The following TMEM196 variants were observed in gnomAD, a reference collection of about 807,000 sequenced individuals.
TMEM196 encodes transmembrane protein 196.
A neutral mutation model predicts 20.0 loss-of-function variants in TMEM196; 17 were observed. That is an observed-to-expected ratio of 0.85 (90% CI 0.58 to 1.27). The LOEUF (loss-of-function observed/expected upper bound fraction) is 1.27. Ranked by LOEUF, TMEM196 falls within the 50% of genes most tolerant of loss-of-function variation. TMEM196 has a pLI of 0.00. For synonymous variants in TMEM196, 113 were observed against 88.9 expected, an observed-to-expected ratio of 1.27 and a Z score of -1.52; for missense variants, 267 against 223.0, an observed-to-expected ratio of 1.20 and a Z score of -1.26.
rs1372958944 is a variant in TMEM196 at position 19,772,565 on chromosome 7, G to T, written c.132C>A (p.Leu44=). 2.6e-6 allele frequency: 4 copies of T among 1,544,794 alleles called. No individual in the cohort carries two copies. Among genetic ancestry groups the T allele is most frequent in the Admixed American group, 2.0e-5 (1 of 50,328 alleles). ...CGCTCCATACCGGGGACGAGTCTCC[G>T]AGCTGCGGCTTGTGCTCTCGGAGGG... ...SLALREHKPQ[L]GDSSPFLLCG... Residue 44 remains leucine, a synonymous_variant, in exon 1 of 5, where the codon CTC becomes CTA. Transcript: ENST00000405844.
intron 1 of TMEM196, among the ~76,000 whole-genome samples, chr7:19,751,187 A>G (rs1309819536): frequency 6.6e-6 from 1 of 152,232 alleles, no homozygotes; most frequent in Non-Finnish European, 1.5e-5. Context: ...TAGCATGATG[A>G]TTCTGCAACA....
chr7:19,744,399 G>C (rs1398347059), intron 1 of TMEM196, among the ~76,000 whole-genome samples: 2 of 152,064 alleles, frequency 1.3e-5, no homozygotes, highest in Non-Finnish European at 2.9e-5. Context: ...CAGACAATAG[G>C]TGCTGGTTCT....
chr7:19,763,022 A>G (rs967156723), intron 1 of TMEM196, among the ~76,000 whole-genome samples: 17 of 152,242 alleles, frequency 1.1e-4, no homozygotes, highest in African/African-American at 3.9e-4. Flanking sequence ...GATGACAATT[A>G]CCAACTTTTT....
At chr7:19,763,307 A>G (rs1459693056) in intron 1 of TMEM196, among the ~76,000 whole-genome samples, 1 of 152,194 alleles carries the variant, frequency 6.6e-6, no homozygotes, top group Non-Finnish European at 1.5e-5. Flanking sequence ...TGTTATCAAC[A>G]TCATTGATAT....
intron 1 of TMEM196, among the ~76,000 whole-genome samples, chr7:19,736,354 TATATA>T (rs1784402280): frequency 2.6e-4 from 23 of 88,044 alleles, no homozygotes; most frequent in African/African-American, 4.0e-4. Flanking sequence ...TGGTTCCTAC[TATATA>T]TATATATATA....
At chr7:19,725,302 T>C (rs1783954169) in intron 3 of TMEM196, among the ~76,000 whole-genome samples, 1 of 152,328 alleles carries the variant, frequency 6.6e-6, no homozygotes, top group South Asian at 2.1e-4. Context: ...ACTGTGTTTT[T>C]GAATAGACAG....
intron 4 of TMEM196, among the ~76,000 whole-genome samples, chr7:19,723,787 G>T (rs1015242453): frequency 6.6e-6 from 1 of 152,052 alleles, no homozygotes; most frequent in African/African-American, 2.4e-5. Flanking sequence ...TGAAACGTGG[G>T]AACTAAATTT....
chr7:19,773,100 A>G lies in TMEM196; in HGVS notation c.-404T>C, dbSNP rs1310144740. 3 of 163,710 alleles carry G rather than the reference A, an allele frequency of 1.8e-5. No homozygotes were observed. Among genetic ancestry groups the G allele is most frequent in the African/African-American group, 4.8e-5 (2 of 42,100 alleles). The allele number at this position is 163,710 out of a possible 1,614,324, so 10.1% of individuals were successfully genotyped here. A position where few individuals can be genotyped will look rare whatever the true frequency, so the allele number is the denominator to read the frequency against. ...GGGAAACCCGCGCCCTCCTCAGCCT[A>G]CTAGACCCTTTCACAGGGTCCCTTC... On this transcript the variant is annotated 5_prime_UTR_variant, in exon 1 of 5. Transcript: ENST00000405844.
chr7:19,730,494 A>G (rs1784165867), intron 1 of TMEM196, among the ~76,000 whole-genome samples: 1 of 152,220 alleles, frequency 6.6e-6, no homozygotes, highest in South Asian at 2.1e-4. Flanking sequence ...ATAGCTATAT[A>G]AAATATTCAT....
chr7:19,751,482 C>A (rs1450412816), intron 1 of TMEM196, among the ~76,000 whole-genome samples: 1 of 152,206 alleles, frequency 6.6e-6, no homozygotes, highest in Non-Finnish European at 1.5e-5. Flanking sequence ...CTGTGTCACA[C>A]ACAAGTGGGA....
At chr7:19,754,664 A>C (rs1173044743) in intron 1 of TMEM196, among the ~76,000 whole-genome samples, 1 of 143,800 alleles carries the variant, frequency 7.0e-6, no homozygotes, top group East Asian at 2.4e-4. Context: ...TATAAGAAAA[A>C]GGAAAAAGAA....
chr7:19,772,061 G>T (rs1179834097), intron 1 of TMEM196, among the ~76,000 whole-genome samples: 1 of 152,076 alleles, frequency 6.6e-6, no homozygotes, highest in Non-Finnish European at 1.5e-5. Flanking sequence ...TGTTGCCTCT[G>T]GTGTACCTTG....
chr7:19,731,109 T>A (rs1269795713), intron 1 of TMEM196, among the ~76,000 whole-genome samples: 10 of 152,100 alleles, frequency 6.6e-5, no homozygotes, highest in Admixed American at 6.5e-4. Context: ...AAAGTATTTA[T>A]TAATAGAAAA....
intron 1 of TMEM196, among the ~76,000 whole-genome samples, chr7:19,767,747 C>A (rs1291017673): frequency 1.3e-5 from 2 of 151,848 alleles, no homozygotes; most frequent in Admixed American, 6.6e-5. Flanking sequence ...GGATATGAAT[C>A]CCTTATGTTA....
rs922361440 is a variant in TMEM196 at position 19,721,283 on chromosome 7, A to G, written c.*845T>C. 1 of 151,898 alleles carries G rather than the reference A, an allele frequency of 6.6e-6. No individual in the cohort carries two copies. Among genetic ancestry groups the G allele is most frequent in the Non-Finnish European group, 1.5e-5 (1 of 67,814 alleles). 9.4% of individuals were successfully genotyped at this position (151,898 alleles called of 1,614,324 possible). ...ACAGCATCACAATTTCTTTTCTAAT[A>G]CCTATTTACATTCATGTATGCTATA... is the stretch of plus-strand genomic sequence containing the variant. On this transcript the variant is annotated 3_prime_UTR_variant, in exon 5 of 5. Transcript: ENST00000405844.
chr7:19,725,508 A>G lies in TMEM196; in HGVS notation c.459+6T>C. The G allele has an allele frequency of 6.2e-7, 1 of 1,600,572 alleles. No homozygotes were observed. The highest frequency in any genetic ancestry group is 8.6e-7 in the Non-Finnish European group (1 of 1,168,760). On this transcript the variant is annotated splice_donor_region_variant and intron_variant, in intron 3 of 4. Transcript: ENST00000405844. ...TAGCAGTGAGAGGAAAAGGTACAAA[A>G]CTCACTTTCTCAGCCATTTCATGAG... is the stretch of plus-strand genomic sequence containing the variant.
chr7:19,769,799 G>C (rs930401732), intron 1 of TMEM196, among the ~76,000 whole-genome samples: 1 of 152,128 alleles, frequency 6.6e-6, no homozygotes, highest in Non-Finnish European at 1.5e-5. Flanking sequence ...AAGTAATCTA[G>C]AGATGATGTA....
chr7:19,725,433 A>G (rs1422609763), intron 3 of TMEM196, 81 bp downstream of exon 3: 2 of 1,470,484 alleles, frequency 1.4e-6, no homozygotes, highest in Non-Finnish European at 1.8e-6. Flanking sequence ...ATTGTGATCT[A>G]AAGTTTCAAG....
At chr7:19,770,957 C>T (rs1468288) in intron 1 of TMEM196, among the ~76,000 whole-genome samples, 4,017 of 151,508 alleles carry the variant, frequency 0.027, 84 homozygotes, top group Middle Eastern at 0.065. Context: ...TCGTTGGGGG[C>T]GGGGATTGAG....
Sources: allele counts gnomAD v4.1 joint callset (sites outside exome capture counted in the v4.1 genomes callset), GRCh38; gene constraint gnomAD v4.1.1; transcripts MANE v1.5; gene names NCBI Gene and HGNC (gene_info 2026-07-23, HGNC 2026-07-21).